STX8: variants seen among roughly 807,000 people sequenced by gnomAD.
The protein encoded by STX8 is syntaxin-8.
STX8 carries 23 observed loss-of-function variants against 37.5 expected under a neutral mutation model. That is an observed-to-expected ratio of 0.61 (90% confidence interval 0.44 to 0.87). The LOEUF is 0.87. Ranked by LOEUF, STX8 falls within the 40% of genes least tolerant of loss-of-function variation. The pLI is 0.00. For synonymous variants in STX8, 115 were observed against 99.1 expected (o/e 1.16, Z -0.95); for missense variants, 313 against 284.7 (o/e 1.10, Z -0.71).
chr17:9,460,698 A>AAAAAAC (rs1567570863), intron 6 of STX8, among the ~76,000 whole-genome samples: 1 of 150,464 alleles, frequency 6.6e-6, no homozygotes, highest in African/African-American at 2.5e-5. Flanking sequence ...ACAAAACAAA[A>AAAAAAC]CTACTAAATT....
chr17:9,365,057 A>G (rs1173914049), intron 7 of STX8, among the ~76,000 whole-genome samples: 2 of 152,226 alleles, frequency 1.3e-5, no homozygotes, highest in African/African-American at 2.4e-5. Flanking sequence ...TGAAGAGAAA[A>G]GAGAGTTCAG....
chr17:9,345,777 T>G (rs888147937), intron 7 of STX8, among the ~76,000 whole-genome samples: 2 of 150,364 alleles, frequency 1.3e-5, no homozygotes, highest in African/African-American at 2.4e-5. Flanking sequence ...TTATCCAAAA[T>G]GCTTGAGACC....
intron 7 of STX8, among the ~76,000 whole-genome samples, chr17:9,268,869 T>C (rs1468130049): frequency 6.6e-6 from 1 of 152,234 alleles, no homozygotes; most frequent in Non-Finnish European, 1.5e-5. Flanking sequence ...GCATGGATTC[T>C]ATCAGCAAGA....
chr17:9,349,320 T>TA (rs1236873249), intron 7 of STX8, among the ~76,000 whole-genome samples: 1 of 144,142 alleles, frequency 6.9e-6, no homozygotes, highest in African/African-American at 2.7e-5. Flanking sequence ...TCTTTTCTTT[T>TA]TTTTTTTTTT....
chr17:9,406,659 A>G (rs1461071742), intron 6 of STX8, among the ~76,000 whole-genome samples: 1 of 152,234 alleles, frequency 6.6e-6, no homozygotes, highest in African/African-American at 2.4e-5. Context: ...TATAGTAGCA[A>G]ATGATAAAAT....
At chr17:9,284,217 G>A (rs1175224734) in intron 7 of STX8, among the ~76,000 whole-genome samples, 1 of 152,044 alleles carries the variant, frequency 6.6e-6, no homozygotes, top group Non-Finnish European at 1.5e-5. Context: ...AGGATACAGG[G>A]GATCTGCACA....
At chr17:9,469,724 G>A (rs1905767807) in intron 6 of STX8, 1 of 152,124 alleles carries the variant, frequency 6.6e-6, no homozygotes, top group African/African-American at 2.4e-5. Context: ...AAAAGAAAAT[G>A]GTAAAATGAG....
At chr17:9,278,423 T>C (rs1467215993) in intron 7 of STX8, among the ~76,000 whole-genome samples, 1 of 151,110 alleles carries the variant, frequency 6.6e-6, no homozygotes, top group Non-Finnish European at 1.5e-5. Context: ...CACTCCTGCC[T>C]GGGCAACAAG....
chr17:9,257,416 C>A (rs185811426), intron 7 of STX8, among the ~76,000 whole-genome samples: 1 of 152,102 alleles, frequency 6.6e-6, no homozygotes, highest in Non-Finnish European at 1.5e-5. Context: ...ACGCCCCTGC[C>A]ACAAGTTGGG....
chr17:9,419,923 G>C (rs1006692535), intron 6 of STX8, among the ~76,000 whole-genome samples: 1 of 152,214 alleles, frequency 6.6e-6, no homozygotes, highest in African/African-American at 2.4e-5. Flanking sequence ...TAACTTTTCA[G>C]TAATTGTGTA....
intron 7 of STX8, among the ~76,000 whole-genome samples, chr17:9,256,498 T>A (rs569470118): frequency 2.0e-5 from 3 of 152,330 alleles, no homozygotes; most frequent in South Asian, 4.1e-4. Context: ...TCCGTCAGCT[T>A]TCGCAAGGAT....
intron 6 of STX8, among the ~76,000 whole-genome samples, chr17:9,418,532 C>CAA (rs1211845780): frequency 2.0e-4 from 25 of 122,734 alleles, no homozygotes; most frequent in African/African-American, 7.0e-4. Context: ...AAAAAAAAAA[C>CAA]AAAAAAAAAA....
At chr17:9,564,488 G>A (rs998306434) in intron 2 of STX8, among the ~76,000 whole-genome samples, 11 of 152,130 alleles carry the variant, frequency 7.2e-5, no homozygotes, top group Non-Finnish European at 1.0e-4. Context: ...AGCTCATTAA[G>A]CTTATAAACA....
chr17:9,516,353 T>TAGAA (rs2142516345), intron 4 of STX8, among the ~76,000 whole-genome samples: 2 of 96,648 alleles, frequency 2.1e-5, no homozygotes, highest in South Asian at 6.9e-4. Flanking sequence ...AGACACCTGT[T>TAGAA]AGAAAATAAA....
At chr17:9,475,068 A>T (rs1906042992) in intron 6 of STX8, among the ~76,000 whole-genome samples, 1 of 151,272 alleles carries the variant, frequency 6.6e-6, no homozygotes, top group African/African-American at 2.4e-5. Context: ...ATGACCTGGT[A>T]AAAAAATGCA....
chr17:9,432,358 G>T (rs977139831), intron 6 of STX8, among the ~76,000 whole-genome samples: 9 of 152,252 alleles, frequency 5.9e-5, no homozygotes, highest in African/African-American at 2.2e-4. Flanking sequence ...GCACATTATT[G>T]AAAGTAACCT....
chr17:9,350,504 G>C (rs1252575810), intron 7 of STX8, among the ~76,000 whole-genome samples: 1 of 151,906 alleles, frequency 6.6e-6, no homozygotes, highest in East Asian at 1.9e-4. Context: ...GCGACATCTT[G>C]CTCACACTAA....
At chr17:9,316,124 C>A (rs1909374866) in intron 7 of STX8, among the ~76,000 whole-genome samples, 1 of 151,962 alleles carries the variant, frequency 6.6e-6, no homozygotes, top group Non-Finnish European at 1.5e-5. Flanking sequence ...GCTCAAAGGA[C>A]ACGTGATGAC....
chr17:9,473,674 A>C (rs570574881), intron 6 of STX8, among the ~76,000 whole-genome samples: 1 of 152,280 alleles, frequency 6.6e-6, no homozygotes, highest in South Asian at 2.1e-4. Context: ...TAAAAAAAAA[A>C]TTTGATTCTC....
Sources: gnomAD v4.1 joint callset for allele counts (sites outside exome capture counted in the v4.1 genomes callset) on GRCh38, gnomAD v4.1.1 for gene constraint, MANE v1.5 for transcripts, NCBI Gene and HGNC (gene_info 2026-07-23, HGNC 2026-07-21) for gene names.